The following ZNF655 variants were observed in gnomAD, a reference collection of about 807,000 sequenced individuals.
ZNF655 encodes the protein Vav-interacting Kruppel-like protein 1.
ZNF655 carries 3 observed loss-of-function variants against 6.6 expected under a neutral mutation model. The observed-to-expected ratio is 0.46, with a 90% confidence interval of 0.21 to 1.18. ZNF655 has a LOEUF of 1.18. Among genes scored for constraint, ZNF655 ranks in the 50% most tolerant of loss-of-function variants. The pLI, the probability that ZNF655 is intolerant of heterozygous loss-of-function variation, is 0.24. For missense variants in ZNF655, 526 were observed against 572.3 expected, an observed-to-expected ratio of 0.92 and a Z score of 0.83; for synonymous variants, 178 against 195.0, an observed-to-expected ratio of 0.91 and a Z score of 0.73.
At chr7:99,571,700 C>T (rs773470931) in intron 2 of ZNF655, 5 of 1,608,324 alleles carry the variant, frequency 3.1e-6, no homozygotes, top group African/African-American at 1.3e-5. Flanking sequence ...TTTCCAATTT[C>T]CAAGCCTGAT....
intron 2 of ZNF655, chr7:99,561,796 C>A: frequency 1.5e-6 from 1 of 683,326 alleles, no homozygotes; most frequent in Non-Finnish European, 2.2e-6. Context: ...GAGGAGGGTC[C>A]TGCTGACACC....
In ZNF655 at chr7:99,560,629, T is replaced by A. The variant is rs1257316406; in HGVS notation, c.70T>A (p.Ser24Thr). The A allele has an allele frequency of 6.2e-7, 1 of 1,614,166 alleles. No individual in the cohort carries two copies. The highest frequency in any genetic ancestry group is 1.7e-5 in the Admixed American group (1 of 60,026). ...RVQFQSLETQ[S>T]ECLSPEPQFV... ...CCAGTTTCAGTCTTTGGAGACCCAG[T>A]CTGAGTGTCTGTCCCCAGAGCCTCA... The change falls in exon 2 of 3, where the codon TCT becomes ACT. Residue 24 changes from serine (S) to threonine (T), a missense_variant. Physicochemically the swap from Ser to Thr is moderately conservative, Grantham distance 58. Transcript: ENST00000252713.
intron 2 of ZNF655, among the ~76,000 whole-genome samples, chr7:99,567,452 G>A (rs1803712845): frequency 6.6e-6 from 1 of 151,338 alleles, no homozygotes; most frequent in Non-Finnish European, 1.5e-5. Context: ...AGAATCACTT[G>A]AACCCAGGAG....
At chr7:99,568,886 G>A (rs10239443) in intron 2 of ZNF655, among the ~76,000 whole-genome samples, 8,159 of 152,198 alleles carry the variant, frequency 0.054, 656 homozygotes, top group African/African-American at 0.17. Context: ...CTGAGCTCAA[G>A]CGATCATTCT....
chr7:99,565,219 A>G (rs921897996), intron 2 of ZNF655, among the ~76,000 whole-genome samples: 1 of 151,054 alleles, frequency 6.6e-6, no homozygotes, highest in African/African-American at 2.4e-5. Flanking sequence ...CCCAGGCTGG[A>G]GTGCAGTGGC....
At chr7:99,571,857 A>G (rs1198646290) in intron 2 of ZNF655, 6 of 1,169,374 alleles carry the variant, frequency 5.1e-6, no homozygotes, top group Non-Finnish European at 1.2e-6. Context: ...GCCAAGTTGT[A>G]GCTGCTTTGG....
chr7:99,570,757 G>T (rs1803987539), intron 2 of ZNF655: 1 of 152,248 alleles, frequency 6.6e-6, no homozygotes, highest in South Asian at 2.1e-4. Flanking sequence ...TAAATGGAGA[G>T]AAAGGTTTTT....
intron 2 of ZNF655, chr7:99,570,806 A>G (rs1803994301): frequency 1.3e-5 from 2 of 152,662 alleles, no homozygotes; most frequent in African/African-American, 4.8e-5. Flanking sequence ...TATGTGTGCT[A>G]TTAGAAGCTT....
chr7:99,571,642 G>C, intron 2 of ZNF655: 2 of 1,430,784 alleles, frequency 1.4e-6, no homozygotes, highest in South Asian at 2.4e-5. Context: ...GCAGATGTAG[G>C]ACCTGGGGAT....
chr7:99,572,183 T>A (rs1804139032), intron 2 of ZNF655, 62 bp from the exon 3 acceptor site: 4 of 1,485,002 alleles, frequency 2.7e-6, no homozygotes, highest in Non-Finnish European at 3.6e-6. Context: ...TCATCTGAGT[T>A]TTCTTTTCCT....
In ZNF655 at chr7:99,575,546, CAAAAAA is replaced by C. The variant is rs1048704054; in HGVS notation, c.*1964_*1969del. 6.7e-6 allele frequency: 1 copy of C among 149,300 alleles called. No individual in the cohort carries two copies. Among genetic ancestry groups the C allele is most frequent in the East Asian group, 1.9e-4 (1 of 5,182 alleles). The allele number at this position is 149,300 out of a possible 1,614,324, so 9.2% of individuals were successfully genotyped here. A position where few individuals can be genotyped will look rare whatever the true frequency, so the allele number is the denominator to read the frequency against. On this transcript the variant is annotated 3_prime_UTR_variant, in exon 3 of 3. Coordinates refer to ENST00000252713, the MANE Select transcript of ZNF655 (RefSeq NM_138494.3). ...AGCAGGACTCTCTCTCAAAAAAACA[CAAAAAA>C]ACAAAAACAAAAAACCATACACACA... is the stretch of plus-strand genomic sequence containing the variant.
rs1476251414 is a variant in ZNF655, at chr7:99,572,270, G to A, written c.162G>A (p.Lys54=). 2 of 1,607,780 alleles carry A rather than the reference G, an allele frequency of 1.2e-6. No homozygotes were observed. Among genetic ancestry groups the A allele is most frequent in the African/African-American group, 1.3e-5 (1 of 74,716 alleles). Residue 54 remains lysine (K), a synonymous_variant, in exon 3 of 3, where the codon AAG becomes AAA. Transcript: ENST00000252713. ...TGDGETREEN[K]LLIPKQKISE... Reference sequence around the variant, plus strand: ...ATGGAGAGACCAGAGAAGAGAACAAGCTGTTGATTCCTAAGCAGAAAATTT... The same window carrying A: ...ATGGAGAGACCAGAGAAGAGAACAAACTGTTGATTCCTAAGCAGAAAATTT...
rs547611726 is a variant in ZNF655, at chr7:99,559,558, G to T, written c.-28+771G>T. ...TGCTAAAACAAAATTAAAATAAAAT[G>T]AGCAATCATAACTAGCATTTTTCTC... On this transcript the variant is annotated intron_variant, in intron 1 of 2. Coordinates refer to ENST00000252713, the MANE Select transcript of ZNF655 (RefSeq NM_138494.3). Among the ~76,000 whole-genome samples, 57 of 152,180 alleles carry T rather than the reference G, an allele frequency of 3.7e-4. No homozygotes were observed. The South Asian group carries it at 9.4e-3, about 25-fold the overall frequency.
intron 2 of ZNF655, among the ~76,000 whole-genome samples, chr7:99,567,762 A>C (rs1803737001): frequency 6.6e-6 from 1 of 152,126 alleles, no homozygotes; most frequent in Admixed American, 6.5e-5. Flanking sequence ...TAGATTATGC[A>C]TATAAGTACC....
chr7:99,568,734 A>G (rs1221121358), intron 2 of ZNF655, among the ~76,000 whole-genome samples: 1 of 152,114 alleles, frequency 6.6e-6, no homozygotes, highest in African/African-American at 2.4e-5. Flanking sequence ...CTGGGATTAC[A>G]CGTGTGAGCC....
intron 2 of ZNF655, chr7:99,562,220 G>C: frequency 9.8e-7 from 1 of 1,023,972 alleles, no homozygotes. Context: ...ATGTTTAAGG[G>C]TTATGGGCTT....
At chr7:99,559,510 C>T (rs1049640062) in intron 1 of ZNF655, among the ~76,000 whole-genome samples, 5 of 151,792 alleles carry the variant, frequency 3.3e-5, no homozygotes, top group African/African-American at 1.2e-4. Flanking sequence ...CCAGCCTGGG[C>T]AACATAGCGA....
chr7:99,560,455 C>T, intron 1 of ZNF655, 78 bp from the exon 2 acceptor site: 2 of 1,399,576 alleles, frequency 1.4e-6, no homozygotes, highest in African/African-American at 1.4e-5. Context: ...GTGTAAGATC[C>T]TTTGCAAAGT....
chr7:99,562,332 C>A, intron 2 of ZNF655: 1 of 1,611,678 alleles, frequency 6.2e-7, no homozygotes, highest in East Asian at 2.2e-5. Context: ...CTACAGTGTT[C>A]TCATTCCTCA....
Sources: allele counts gnomAD v4.1 joint callset (sites outside exome capture counted in the v4.1 genomes callset), GRCh38; gene constraint gnomAD v4.1.1; transcripts MANE v1.5; gene names NCBI Gene and HGNC (gene_info 2026-07-23, HGNC 2026-07-21).